The following POP1 variants were observed in gnomAD, a reference collection of about 807,000 sequenced individuals.
POP1 encodes ribonucleases P/MRP protein subunit POP1.
A neutral mutation model predicts 102.2 loss-of-function variants in POP1; 75 were observed. The ratio of observed to expected loss-of-function variants is 0.73; its 90% CI spans 0.61 to 0.89. The LOEUF is 0.89. POP1 is among the 40% of genes least tolerant of loss of function. The pLI, the probability that POP1 is intolerant of heterozygous loss-of-function variation, is 0.00. For synonymous variants in POP1, 436 were observed against 464.1 expected (o/e 0.94, Z 0.78); for missense variants, 1,116 against 1,267.4 (o/e 0.88, Z 1.81).
rs1228401360 is a variant in POP1, at chr8:98,159,622, T to G, written c.*1351T>G. On this transcript the variant is annotated 3_prime_UTR_variant, in exon 16 of 16. Transcript: ENST00000401707. ...AATGCATTGGGTTTTTACTGTAGCA[T>G]TTGGCACTAAATGGCTTTGGGGGTG... The G allele has an allele frequency of 6.6e-6, 1 of 152,178 alleles. No individual in the cohort carries two copies. Among genetic ancestry groups the G allele is most frequent in the Non-Finnish European group, 1.5e-5 (1 of 68,024 alleles). The allele number at this position is 152,178 out of a possible 1,614,324, so 9.4% of individuals were successfully genotyped here.
chr8:98,127,860 C>T lies in POP1; in HGVS notation c.310+98C>T. On this transcript the variant is annotated intron_variant, in intron 3 of 15. Transcript: ENST00000401707. ...TCCTTGTGGTCCTGGCTCTGCCTCC[C>T]CTACCTCTCCTCTCCTCCTCCTACT... is the stretch of plus-strand genomic sequence containing the variant. 3.1e-6 allele frequency: 4 copies of T among 1,272,908 alleles called. No homozygotes were observed. In the South Asian group the frequency reaches 3.7e-5, roughly 12 times the overall value. 78.9% of individuals were successfully genotyped at this position (1,272,908 alleles called of 1,614,324 possible). A position where few individuals can be genotyped will look rare whatever the true frequency, so the allele number is the denominator to read the frequency against.
intron 12 of POP1, among the ~76,000 whole-genome samples, chr8:98,147,907 C>T (rs74643454): frequency 0.13 from 19,287 of 152,150 alleles, 1,327 homozygotes; most frequent in Middle Eastern, 0.26. Flanking sequence ...AAGTGTGTGG[C>T]ACATAGAAGT....
intron 1 of POP1, among the ~76,000 whole-genome samples, chr8:98,121,238 A>C (rs1816010499): frequency 6.6e-6 from 1 of 152,242 alleles, no homozygotes; most frequent in Admixed American, 6.5e-5. Context: ...CTTAAACACT[A>C]TACCATATAG....
chr8:98,140,204 G>C lies in POP1; in HGVS notation c.1474+15G>C, dbSNP rs771951014. 1.8e-5 allele frequency: 29 copies of C among 1,610,602 alleles called. No individual in the cohort carries two copies. The highest frequency in any genetic ancestry group is 2.4e-5 in the Non-Finnish European group (28 of 1,177,096). On this transcript the variant is annotated intron_variant, in intron 10 of 15. Transcript: ENST00000401707. ...GTTGTTGGGAGGTATACAAAGGGAA[G>C]ACTGGGTTGTGTTGGGGAGGGAAGG...
rs1322862784 is a variant in POP1, at chr8:98,158,384, C to A, written c.*113C>A. ...AATATCATGTGAAACTCCCTGGAAA[C>A]AAGAATAAAAAATTATGTATTATGC... On this transcript the variant is annotated 3_prime_UTR_variant, in exon 16 of 16. Coordinates refer to ENST00000401707, the MANE Select transcript of POP1 (RefSeq NM_001145860.2). The A allele has an allele frequency of 2.5e-6, 3 of 1,204,434 alleles. No individual in the cohort carries two copies. Among genetic ancestry groups the A allele is most frequent in the African/African-American group, 3.0e-5 (2 of 67,012 alleles). The allele number at this position is 1,204,434 out of a possible 1,614,324, so 74.6% of individuals were successfully genotyped here.
Position 98,136,877 on chromosome 8 carries a change from A to G in POP1, c.1285A>G (p.Met429Val). Residue 429 changes from methionine (M) to valine (V), a missense_variant, in exon 9 of 16, where the codon ATG (methionine) becomes GTG (valine). By Grantham distance (21) the Met-to-Val change is conservative. Coordinates refer to ENST00000401707, the MANE Select transcript of POP1 (RefSeq NM_001145860.2). ...CTTTTTCAGCGATTTGACGATGGAGATGAACAGATTCCGGCTGATTGGGCC... is the reference window on the plus strand; with the variant it reads ...CTTTTTCAGCGATTTGACGATGGAGGTGAACAGATTCCGGCTGATTGGGCC... ...GIIISDLTME[M>V]NRFRLIGPLS... 1 of 1,613,962 alleles carries G rather than the reference A, an allele frequency of 6.2e-7. No individual in the cohort carries two copies. Among genetic ancestry groups the G allele is most frequent in the Non-Finnish European group, 8.5e-7 (1 of 1,179,792 alleles).
chr8:98,128,453 G>T lies in POP1; in HGVS notation c.399G>T (p.Gln133His), dbSNP rs1463742635. ...TQKSSNSLVF[Q>H]TLPRHMRRRA... The stretch of plus-strand genomic sequence containing the variant: ...AGTCTTCGAATTCACTGGTTTTTCA[G>T]ACTCTGCCACGGCACATGCGACGAA... The change falls in exon 4 of 16, where the codon CAG (glutamine) becomes CAT (histidine). Residue 133 changes from glutamine to histidine, a missense_variant. Transcript: ENST00000401707. 1 of 1,613,872 alleles carries T rather than the reference G, an allele frequency of 6.2e-7. No individual in the cohort carries two copies. Among genetic ancestry groups the T allele is most frequent in the Non-Finnish European group, 8.5e-7 (1 of 1,179,950 alleles).
At chr8:98,145,456 C>A (rs1271286469) in intron 11 of POP1, among the ~76,000 whole-genome samples, 1 of 152,072 alleles carries the variant, frequency 6.6e-6, no homozygotes. Context: ...ATGTTTTTCC[C>A]TGGGGATTAA....
At chr8:98,144,899 T>G (rs1307909635) in intron 11 of POP1, among the ~76,000 whole-genome samples, 1 of 152,110 alleles carries the variant, frequency 6.6e-6, no homozygotes, top group African/African-American at 2.4e-5. Flanking sequence ...TTTTACTTTA[T>G]TTTTTTGAGA....
intron 9 of POP1, among the ~76,000 whole-genome samples, chr8:98,138,275 G>A (rs1299103427): frequency 3.3e-5 from 5 of 151,594 alleles, no homozygotes; most frequent in Non-Finnish European, 5.9e-5. Flanking sequence ...AATGTGACCC[G>A]TGTAATCTTG....
chr8:98,134,387 A>G lies in POP1; in HGVS notation c.824-85A>G, dbSNP rs1405912927. ...AAAACTTCACCTCTCATGGAGGCAG[A>G]CAGTAAATGACAGTGTGGTTATCAG... On this transcript the variant is annotated intron_variant, in intron 6 of 15. Coordinates refer to ENST00000401707, the MANE Select transcript of POP1 (RefSeq NM_001145860.2). The G allele has an allele frequency of 3.6e-6, 5 of 1,370,196 alleles. No homozygotes were observed. The Admixed American group carries it at 6.7e-5, about 18-fold the overall frequency. The allele number at this position is 1,370,196 out of a possible 1,614,324, so 84.9% of individuals were successfully genotyped here. A position where few individuals can be genotyped will look rare whatever the true frequency, so the allele number is the denominator to read the frequency against.
In POP1 at chr8:98,128,513, A is replaced by G. The variant is rs771415317; in HGVS notation, c.459A>G (p.Arg153=). 1.4e-5 allele frequency: 23 copies of G among 1,613,824 alleles called. No individual in the cohort carries two copies. In the Middle Eastern group the frequency reaches 2.8e-3, roughly 196 times the overall value. The part of the protein sequence containing the change: ...AMSHNVKRLP[R]RLQEIAQKEA... ...GCCACAACGTCAAACGCCTTCCCAG[A>G]CGGTTACAGGAGATTGCCCAGAAAG... Residue 153 remains arginine, a synonymous_variant, in exon 4 of 16, where the codon AGA becomes AGG. Coordinates refer to ENST00000401707, the MANE Select transcript of POP1 (RefSeq NM_001145860.2).
rs1018862816 is a variant in POP1, at chr8:98,118,184, T to C, written c.-3+794T>C. Among the ~76,000 whole-genome samples the C allele has an allele frequency of 7.9e-5, 12 of 152,208 alleles. No homozygotes were observed. In the South Asian group the frequency reaches 1.7e-3, roughly 21 times the overall value. On this transcript the variant is annotated intron_variant, in intron 1 of 15. Transcript: ENST00000401707. Reference sequence around the variant, plus strand: ...CTCAGGAACCTTCTGATCTTTTTCATTGGTTTGGGGCCTGGAATAAAAGAC... The same window carrying C: ...CTCAGGAACCTTCTGATCTTTTTCACTGGTTTGGGGCCTGGAATAAAAGAC...
Position 98,158,015 on chromosome 8 carries a change from A to C in POP1, c.2819A>C (p.Gln940Pro). The C allele has an allele frequency of 6.2e-7, 1 of 1,612,036 alleles. No individual in the cohort carries two copies. Among genetic ancestry groups the C allele is most frequent in the Non-Finnish European group, 8.5e-7 (1 of 1,180,022 alleles). Residue 940 changes from glutamine (Q) to proline (P), a missense_variant, in exon 16 of 16, where the codon CAG becomes CCG. Transcript: ENST00000401707. ...GPAGEEPVAGQEALTLGLWSG... is the reference protein window; with the variant it reads ...GPAGEEPVAGPEALTLGLWSG... ...GCGGGGGAAGAGCCCGTGGCTGGGCAGGAAGCTCTGACTCTAGGGCTGTGG... is the reference window on the plus strand; with the variant it reads ...GCGGGGGAAGAGCCCGTGGCTGGGCCGGAAGCTCTGACTCTAGGGCTGTGG...
rs925153041 is a variant in POP1, at chr8:98,124,290, G to A, written c.142+811G>A. 5.3e-5 allele frequency among the ~76,000 whole-genome samples: 8 copies of A among 152,144 alleles called. No individual in the cohort carries two copies. In the East Asian group the frequency reaches 9.7e-4, roughly 18 times the overall value. ...TTAAGATTATAATATGGCCAGGGGCGGTGGCTCACACCTGTAATCCCAGCA... is the reference window on the plus strand; with the variant it reads ...TTAAGATTATAATATGGCCAGGGGCAGTGGCTCACACCTGTAATCCCAGCA... On this transcript the variant is annotated intron_variant, in intron 2 of 15. Transcript: ENST00000401707.
Position 98,159,343 on chromosome 8 carries a change from A to T in POP1, c.*1072A>T, listed in dbSNP as rs1201274608. The T allele has an allele frequency of 6.6e-6, 1 of 152,202 alleles. No homozygotes were observed. The highest frequency in any genetic ancestry group is 2.4e-5 in the African/African-American group (1 of 41,436). The allele number at this position is 152,202 out of a possible 1,614,324, so 9.4% of individuals were successfully genotyped here. On this transcript the variant is annotated 3_prime_UTR_variant, in exon 16 of 16. Transcript: ENST00000401707. The stretch of plus-strand genomic sequence containing the variant: ...GCCGGCAAGCTGCCTTTCAACACTC[A>T]TGCAGTCACGTTGTCCACCTGAGAT...
In POP1 at chr8:98,128,656, C is replaced by T. The variant is rs1363873685; in HGVS notation, c.486+116C>T. 52 of 1,171,184 alleles carry T rather than the reference C, an allele frequency of 4.4e-5. No homozygotes were observed. In the East Asian group the frequency reaches 7.4e-4, roughly 17 times the overall value. The allele number at this position is 1,171,184 out of a possible 1,614,324, so 72.5% of individuals were successfully genotyped here. On this transcript the variant is annotated intron_variant, in intron 4 of 15. Transcript: ENST00000401707. Reference sequence around the variant, plus strand: ...AACCAAGGCTGGGCATGGTGGCTCACGCCTGTAATCTCAGCACTTTGAGAG... The same window carrying T: ...AACCAAGGCTGGGCATGGTGGCTCATGCCTGTAATCTCAGCACTTTGAGAG...
intron 1 of POP1, among the ~76,000 whole-genome samples, chr8:98,119,290 A>G (rs1373878802): frequency 6.6e-6 from 1 of 152,236 alleles, no homozygotes; most frequent in East Asian, 1.9e-4. Context: ...GAAACAAGGT[A>G]CCTTTATTCT....
At chr8:98,148,708 C>A in intron 12 of POP1, 107 bp from the exon 13 acceptor site, 1 of 978,772 alleles carries the variant, frequency 1.0e-6, no homozygotes, top group Non-Finnish European at 1.6e-6. Flanking sequence ...TTTTCTCTTG[C>A]TTTTTTAAAA....
Sources: allele counts gnomAD v4.1 joint callset (sites outside exome capture counted in the v4.1 genomes callset), GRCh38; gene constraint gnomAD v4.1.1; transcripts MANE v1.5; gene names NCBI Gene and HGNC (gene_info 2026-07-23, HGNC 2026-07-21).